The following IQUB variants were observed in gnomAD, a reference collection of about 807,000 sequenced individuals.
The protein encoded by IQUB is IQ motif and ubiquitin domain containing, also known as IQ motif and ubiquitin-like domain-containing protein.
Under a neutral mutation model 86.4 loss-of-function variants are expected in IQUB, and 86 were observed. The observed-to-expected ratio is 1.00, with a 90% confidence interval of 0.84 to 1.19. IQUB has a LOEUF of 1.19. Among genes scored for constraint, IQUB ranks in the 50% most tolerant of loss-of-function variants. The pLI is 0.00. For synonymous variants in IQUB, 289 were observed against 304.5 expected, an observed-to-expected ratio of 0.95 and a Z score of 0.53; for missense variants, 946 against 916.9, an observed-to-expected ratio of 1.03 and a Z score of -0.41.
intron 1 of IQUB, among the ~76,000 whole-genome samples, chr7:123,515,833 A>G (rs1796612559): frequency 1.3e-5 from 2 of 152,202 alleles, no homozygotes; most frequent in South Asian, 4.1e-4. Context: ...TCAGTGAAGA[A>G]GCCAGCTTTA....
At chr7:123,461,334 T>C (rs777348839) in intron 11 of IQUB, 23 bp downstream of exon 11, 16 of 1,581,182 alleles carry the variant, frequency 1.0e-5, no homozygotes, top group Non-Finnish European at 1.2e-5. Context: ...TCAGCTATAA[T>C]TGGCACCCCT....
At chr7:123,465,203 T>C (rs1794191255) in intron 9 of IQUB, among the ~76,000 whole-genome samples, 194 bp from the exon 10 acceptor site, 1 of 151,940 alleles carries the variant, frequency 6.6e-6, no homozygotes. Context: ...TATTGTACTA[T>C]ATACAACAAA....
At chr7:123,505,195 C>A (rs574786740) in intron 3 of IQUB, among the ~76,000 whole-genome samples, 6 of 152,336 alleles carry the variant, frequency 3.9e-5, no homozygotes, top group Admixed American at 3.3e-4. Flanking sequence ...TGTGGCTCCA[C>A]AGGGCTCAGC....
Position 123,503,099 on chromosome 7 carries a change from G to T in IQUB, c.712C>A (p.Gln238Lys). Residue 238 changes from glutamine to lysine, a missense_variant, in exon 5 of 13, where the codon CAG becomes AAG. Coordinates refer to ENST00000324698, the MANE Select transcript of IQUB (RefSeq NM_178827.5). ...TVQTGLDQYQ[Q>K]VPVEIVKSDF... Reference sequence around the variant, plus strand: ...GATTTGACAATCTCAACAGGTACCTGCTGGTATTGATCAAGTCCTGAGAGA... The same window carrying T: ...GATTTGACAATCTCAACAGGTACCTTCTGGTATTGATCAAGTCCTGAGAGA... 15 of 1,612,808 alleles carry T rather than the reference G, an allele frequency of 9.3e-6. No individual in the cohort carries two copies. Among genetic ancestry groups the T allele is most frequent in the Non-Finnish European group, 1.3e-5 (15 of 1,179,474 alleles).
At chr7:123,458,644 TGC>T (rs1280239749) in intron 11 of IQUB, among the ~76,000 whole-genome samples, 1 of 152,018 alleles carries the variant, frequency 6.6e-6, no homozygotes, top group Non-Finnish European at 1.5e-5. Flanking sequence ...TTAATTTAGT[TGC>T]TCAACTGTAC....
intron 10 of IQUB, among the ~76,000 whole-genome samples, chr7:123,463,739 G>A (rs1794111538): frequency 6.6e-6 from 1 of 151,328 alleles, no homozygotes. Flanking sequence ...ACATTTTTCA[G>A]AACTTACCAA....
Position 123,488,204 on chromosome 7 carries a change from G to A in IQUB, c.1235-8234C>T, listed in dbSNP as rs150672753. Reference sequence around the variant, plus strand: ...AAAAATAAAAAAATTATCCGGGCGCGGTGGCCGGCGCCTGTAGTCCCAGCT... The same window carrying A: ...AAAAATAAAAAAATTATCCGGGCGCAGTGGCCGGCGCCTGTAGTCCCAGCT... On this transcript the variant is annotated intron_variant, in intron 7 of 12. Coordinates refer to ENST00000324698, the MANE Select transcript of IQUB (RefSeq NM_178827.5). Among the ~76,000 whole-genome samples the A allele has an allele frequency of 1.3e-3, 203 of 151,962 alleles. 1 individual carries two copies. Among genetic ancestry groups the A allele is most frequent in the African/African-American group, 4.5e-3 (186 of 41,486 alleles).
intron 2 of IQUB, 122 bp from the exon 3 acceptor site, chr7:123,510,157 T>C (rs2117250572): frequency 1.6e-6 from 1 of 633,036 alleles, no homozygotes; most frequent in East Asian, 2.8e-5. Flanking sequence ...CAAGTTGTTC[T>C]TGCTAGTGTT....
chr7:123,467,225 C>T (rs1444406908), intron 9 of IQUB, among the ~76,000 whole-genome samples: 3 of 152,034 alleles, frequency 2.0e-5, no homozygotes, highest in Admixed American at 6.6e-5. Context: ...GTCCTAATAA[C>T]AGTAGGGTTT....
chr7:123,478,334 A>C (rs1794838598), intron 8 of IQUB, among the ~76,000 whole-genome samples: 1 of 152,034 alleles, frequency 6.6e-6, no homozygotes, highest in South Asian at 2.1e-4. Context: ...AAAAAACCAA[A>C]CACCACATGT....
intron 1 of IQUB, among the ~76,000 whole-genome samples, chr7:123,529,317 C>T (rs1319787187): frequency 6.6e-6 from 1 of 151,712 alleles, no homozygotes; most frequent in Non-Finnish European, 1.5e-5. Context: ...AACTTTAATA[C>T]TATTTTATGA....
Position 123,452,920 on chromosome 7 carries a change from A to G in IQUB, c.2199T>C (p.Tyr733=), listed in dbSNP as rs1288432986. Residue 733 remains tyrosine (Y), a synonymous_variant, in exon 13 of 13, where the codon TAT becomes TAC. Coordinates refer to ENST00000324698, the MANE Select transcript of IQUB (RefSeq NM_178827.5). ...HLKLTSIEEG[Y]ERSFIHKIKH... is the part of the protein sequence containing the mutation. Reference sequence around the variant, plus strand: ...TGATCTTGTGAATAAATGAGCGTTCATATCCCTGCAAAGAAAAAAATCAAA... The same window carrying G: ...TGATCTTGTGAATAAATGAGCGTTCGTATCCCTGCAAAGAAAAAAATCAAA... 1.2e-6 allele frequency: 2 copies of G among 1,604,548 alleles called. No homozygotes were observed. The highest frequency in any genetic ancestry group is 2.2e-5 in the South Asian group (2 of 90,030).
At chr7:123,507,613 G>A (rs912414624) in intron 3 of IQUB, among the ~76,000 whole-genome samples, 1 of 152,106 alleles carries the variant, frequency 6.6e-6, no homozygotes, top group Non-Finnish European at 1.5e-5. Context: ...AGGTGCAGTG[G>A]CTCACACCTG....
intron 3 of IQUB, among the ~76,000 whole-genome samples, chr7:123,509,595 G>A (rs897716230): frequency 3.3e-5 from 5 of 152,046 alleles, no homozygotes; most frequent in Admixed American, 1.3e-4. Context: ...ACAGCTTTTT[G>A]TGCATATTTC....
In IQUB at chr7:123,503,124, A is replaced by T. The variant is rs1025507141; in HGVS notation, c.695-8T>A. On this transcript the variant is annotated splice_region_variant and splice_polypyrimidine_tract_variant and intron_variant, in intron 4 of 12. Transcript: ENST00000324698. Reference sequence around the variant, plus strand: ...GCTGGTATTGATCAAGTCCTGAGAGATAACACCAAGATTCAATGAAAGCTC... The same window carrying T: ...GCTGGTATTGATCAAGTCCTGAGAGTTAACACCAAGATTCAATGAAAGCTC... The T allele has an allele frequency of 1.9e-6, 3 of 1,611,160 alleles. No individual in the cohort carries two copies. Among genetic ancestry groups the T allele is most frequent in the Non-Finnish European group, 2.5e-6 (3 of 1,178,836 alleles).
At chr7:123,513,128 GA>G (rs1796502901) in intron 1 of IQUB, among the ~76,000 whole-genome samples, 1 of 152,190 alleles carries the variant, frequency 6.6e-6, no homozygotes, top group Non-Finnish European at 1.5e-5. Flanking sequence ...AAACAGTAGT[GA>G]GGTGGAAAAG....
chr7:123,458,419 C>G (rs550081688), intron 11 of IQUB, among the ~76,000 whole-genome samples: 78 of 151,904 alleles, frequency 5.1e-4, no homozygotes, highest in Admixed American at 3.2e-3. Flanking sequence ...AAGTAAAAAA[C>G]AAAAAGAACC....
At position 123,470,799 on chromosome 7, in the gene IQUB, C is replaced by T. The variant is rs547916975; in HGVS notation, c.1411-1415G>A. The stretch of plus-strand genomic sequence containing the variant: ...CTGGGAGGCGGAGCTTGCAGTGAGC[C>T]GAGATCGCGCCACTGCACTCCAGCC... On this transcript the variant is annotated intron_variant, in intron 8 of 12. Coordinates refer to ENST00000324698, the MANE Select transcript of IQUB (RefSeq NM_178827.5). Among the ~76,000 whole-genome samples, 12 of 150,660 alleles carry T rather than the reference C, an allele frequency of 8.0e-5. No individual in the cohort carries two copies. The South Asian group carries it at 8.4e-4, about 11-fold the overall frequency.
chr7:123,490,395 A>T (rs751022481), intron 7 of IQUB, among the ~76,000 whole-genome samples: 3 of 152,218 alleles, frequency 2.0e-5, no homozygotes, highest in Non-Finnish European at 4.4e-5. Context: ...CAATACATGA[A>T]GCAAAATCTG....
Sources: allele counts gnomAD v4.1 joint callset (sites outside exome capture counted in the v4.1 genomes callset), GRCh38; gene constraint gnomAD v4.1.1; transcripts MANE v1.5; gene names NCBI Gene and HGNC (gene_info 2026-07-23, HGNC 2026-07-21).